Variants in MPRIP observed in about 807,000 individuals in gnomAD.
MPRIP encodes the protein myosin phosphatase Rho interacting protein.
A neutral mutation model predicts 234.9 loss-of-function variants in MPRIP; 59 were observed. The ratio of observed to expected loss-of-function variants is 0.25; its 90% CI spans 0.20 to 0.31. MPRIP has a LOEUF of 0.31. Among genes scored for constraint, MPRIP ranks in the 10% least tolerant of loss-of-function variants. MPRIP has a pLI of 1.00. For missense variants in MPRIP, 2,436 were observed against 3,071.0 expected, an observed-to-expected ratio of 0.79 and a Z score of 4.89; for synonymous variants, 1,144 against 1,263.9, an observed-to-expected ratio of 0.91 and a Z score of 2.01.
chr17:17,073,101 C>T (rs1369517461), intron 1 of MPRIP, among the ~76,000 whole-genome samples: 2 of 152,184 alleles, frequency 1.3e-5, no homozygotes, highest in South Asian at 2.1e-4. Flanking sequence ...CCCCTTCCGC[C>T]GTCCCAGCCC....
rs149978688 is a variant in MPRIP, at chr17:17,065,705, T to C, written c.124-10005T>C. 1.1e-3 allele frequency among the ~76,000 whole-genome samples: 163 copies of C among 152,300 alleles called. 7 individuals carry two copies. In the East Asian group the frequency reaches 0.031, roughly 29 times the overall value. On this transcript the variant is annotated intron_variant, in intron 1 of 23. Coordinates refer to ENST00000651222, the MANE Select transcript of MPRIP (RefSeq NM_001364716.4). The stretch of plus-strand genomic sequence containing the variant: ...TAATCTTGTCCATATCTATAAAAAG[T>C]CTTGCTGGGATTTTGATGGGAATTG...
At chr17:17,129,649 G>A (rs1260314520) in intron 4 of MPRIP, among the ~76,000 whole-genome samples, 3 of 152,064 alleles carry the variant, frequency 2.0e-5, no homozygotes, top group Non-Finnish European at 2.9e-5. Context: ...GCAGCTCCAC[G>A]TAGTCAGCAG....
At chr17:17,146,150 C>A in intron 10 of MPRIP, 58 bp downstream of exon 10, 1 of 1,511,494 alleles carries the variant, frequency 6.6e-7, no homozygotes, top group Non-Finnish European at 9.2e-7. Flanking sequence ...TGAGGGTGAG[C>A]TGTCCTTGTC....
intron 3 of MPRIP, among the ~76,000 whole-genome samples, chr17:17,094,498 G>T (rs2089793960): frequency 6.6e-6 from 1 of 152,072 alleles, no homozygotes; most frequent in Non-Finnish European, 1.5e-5. Flanking sequence ...GTTTTATTAA[G>T]CTAGAGGCTT....
At chr17:17,045,140 C>T (rs1320600088) in intron 1 of MPRIP, among the ~76,000 whole-genome samples, 2 of 152,146 alleles carry the variant, frequency 1.3e-5, no homozygotes, top group African/African-American at 4.8e-5. Flanking sequence ...CAGCCTGGAG[C>T]TTATTTTAGA....
intron 17 of MPRIP, 73 bp from the exon 18 acceptor site, chr17:17,172,625 A>G (rs2046165078): frequency 2.5e-6 from 3 of 1,191,626 alleles, no homozygotes; most frequent in Non-Finnish European, 3.7e-6. Context: ...CATTGTGTGG[A>G]GCTCCCCACC....
At chr17:17,125,908 G>A (rs2090481765) in intron 3 of MPRIP, among the ~76,000 whole-genome samples, 1 of 152,156 alleles carries the variant, frequency 6.6e-6, no homozygotes. Flanking sequence ...GGGCACCCCT[G>A]GTGTGGTGGT....
chr17:17,066,344 T>C (rs1224572388), intron 1 of MPRIP, among the ~76,000 whole-genome samples: 1 of 152,216 alleles, frequency 6.6e-6, no homozygotes, highest in East Asian at 1.9e-4. Flanking sequence ...TAAAAATAAT[T>C]ATGAATGGAT....
intron 11 of MPRIP, chr17:17,149,651 A>G (rs775300414): frequency 6.7e-6 from 1 of 150,266 alleles, no homozygotes; most frequent in Non-Finnish European, 1.5e-5. Flanking sequence ...AAATGAATTT[A>G]TTTTATTCTC....
chr17:17,124,979 A>G (rs1043000126), intron 3 of MPRIP, among the ~76,000 whole-genome samples: 4 of 152,148 alleles, frequency 2.6e-5, no homozygotes, highest in Non-Finnish European at 4.4e-5. Flanking sequence ...GGTCTCCCCA[A>G]CCAGAAGGTG....
intron 3 of MPRIP, among the ~76,000 whole-genome samples, chr17:17,080,482 G>A (rs192872127): frequency 7.2e-5 from 11 of 152,372 alleles, no homozygotes; most frequent in Middle Eastern, 3.4e-3. Flanking sequence ...CTCCAGCCAA[G>A]CTGGAAGCTT....
At chr17:17,180,585 T>A in intron 23 of MPRIP, 1 of 1,609,120 alleles carries the variant, frequency 6.2e-7, no homozygotes, top group South Asian at 1.1e-5. Flanking sequence ...GTGTGTCTCA[T>A]GTCTGCTCTC....
chr17:17,145,980 C>T, intron 9 of MPRIP, 56 bp from the exon 10 acceptor site: 4 of 1,522,968 alleles, frequency 2.6e-6, no homozygotes, highest in Middle Eastern at 1.7e-4. Context: ...CCCCATCAGA[C>T]ACTCATGACA....
In MPRIP at chr17:17,147,345, C is replaced by G; in HGVS notation, c.1587C>G (p.Ala529=). ...GGAAGAAACACTGGTTTGTCCTCGC[C>G]GATCAAAGCCTGAGATACTACAGGG... is the stretch of plus-strand genomic sequence containing the variant. ...GQWKKHWFVL[A]DQSLRYYRDS... Residue 529 remains alanine (A), a synonymous_variant, in exon 11 of 24, where the codon GCC becomes GCG. Coordinates refer to ENST00000651222, the MANE Select transcript of MPRIP (RefSeq NM_001364716.4). 6.2e-7 allele frequency: 1 copy of G among 1,614,084 alleles called. No individual in the cohort carries two copies. Among genetic ancestry groups the G allele is most frequent in the Non-Finnish European group, 8.5e-7 (1 of 1,180,000 alleles).
chr17:17,104,558 G>A (rs1205308838), intron 3 of MPRIP, among the ~76,000 whole-genome samples: 1 of 152,152 alleles, frequency 6.6e-6, no homozygotes, highest in East Asian at 1.9e-4. Flanking sequence ...GAGCCGTGAA[G>A]GCAGAACCGT....
intron 3 of MPRIP, among the ~76,000 whole-genome samples, chr17:17,111,585 C>T (rs1597822122): frequency 6.6e-6 from 1 of 152,220 alleles, no homozygotes; most frequent in Admixed American, 6.5e-5. Context: ...CCCTGAGAGA[C>T]CATGCTGGGG....
At position 17,191,258 on chromosome 17, in the gene MPRIP, C is replaced by G. The variant is rs142973143; in HGVS notation, c.*6364C>G. On this transcript the variant is annotated 3_prime_UTR_variant, in exon 24 of 24. Transcript: ENST00000651222. Reference sequence around the variant, plus strand: ...TGATGGTGCCATCTTGACCAGACTTCTGCACAGTAATTTAACGCTATCCTA... The same window carrying G: ...TGATGGTGCCATCTTGACCAGACTTGTGCACAGTAATTTAACGCTATCCTA... 292 of 152,334 alleles carry G rather than the reference C, an allele frequency of 1.9e-3. No homozygotes were observed. Among genetic ancestry groups the G allele is most frequent in the African/African-American group, 6.4e-3 (266 of 41,572 alleles). 9.4% of individuals were successfully genotyped at this position (152,334 alleles called of 1,614,324 possible).
At chr17:17,117,938 T>C (rs868076076) in intron 3 of MPRIP, among the ~76,000 whole-genome samples, 1 of 152,264 alleles carries the variant, frequency 6.6e-6, no homozygotes, top group Non-Finnish European at 1.5e-5. Flanking sequence ...GGGTAGGCTC[T>C]TCTTGGCTAG....
chr17:17,044,143 A>G (rs1358363349), intron 1 of MPRIP, among the ~76,000 whole-genome samples: 2 of 152,194 alleles, frequency 1.3e-5, no homozygotes, highest in Non-Finnish European at 2.9e-5. Context: ...ACTGCCAGGA[A>G]AAGATTCCTT....
Sources: gnomAD v4.1 joint callset for allele counts (sites outside exome capture counted in the v4.1 genomes callset) on GRCh38, gnomAD v4.1.1 for gene constraint, MANE v1.5 for transcripts, NCBI Gene and HGNC (gene_info 2026-07-23, HGNC 2026-07-21) for gene names.